SMAP2: variants seen among roughly 807,000 people sequenced by gnomAD.
SMAP2 encodes small ArfGAP2.
Under a neutral mutation model 56.4 loss-of-function variants are expected in SMAP2, and 25 were observed. That is an observed-to-expected ratio of 0.44 (90% CI 0.32 to 0.62). The LOEUF (loss-of-function observed/expected upper bound fraction) is 0.62, where lower values mean the gene tolerates loss of function less well. Ranked by LOEUF, SMAP2 falls within the 20% of genes least tolerant of loss-of-function variation. The pLI, the probability that SMAP2 is intolerant of heterozygous loss-of-function variation, is 0.04. For synonymous variants in SMAP2, 157 were observed against 181.7 expected, an observed-to-expected ratio of 0.86 and a Z score of 1.09; for missense variants, 388 against 545.6, an observed-to-expected ratio of 0.71 and a Z score of 2.88.
intron 9 of SMAP2, among the ~76,000 whole-genome samples, chr1:40,417,434 A>C (rs1569927713): frequency 6.6e-6 from 1 of 152,200 alleles, no homozygotes; most frequent in African/African-American, 2.4e-5. Context: ...AGAATACTGC[A>C]AGGTTCAAAT....
chr1:40,416,922 T>G lies in SMAP2; in HGVS notation c.990T>G (p.Val330=), dbSNP rs750985793. The G allele has an allele frequency of 1.2e-6, 2 of 1,614,208 alleles. No individual in the cohort carries two copies. The highest frequency in any genetic ancestry group is 1.7e-6 in the Non-Finnish European group (2 of 1,180,024). The change falls in exon 9 of 10, where the codon GTT becomes GTG. Residue 330 remains valine, a synonymous_variant. Coordinates refer to ENST00000372718, the MANE Select transcript of SMAP2 (RefSeq NM_022733.3). ...CTCAGCCAGGAGCTTCTGGGATGGT[T>G]GCCCCCATGGCCATGCCTGCAGGCT... ...MVAQPGASGM[V]APMAMPAGYM... is the part of the protein sequence containing the mutation.
intron 1 of SMAP2, among the ~76,000 whole-genome samples, chr1:40,382,712 T>C (rs1401408092): frequency 6.6e-6 from 1 of 152,216 alleles, no homozygotes; most frequent in Non-Finnish European, 1.5e-5. Flanking sequence ...CAGTCCTATA[T>C]TGGCTAATTT....
In SMAP2 at chr1:40,397,680, CA is replaced by C. The variant is rs1249289493; in HGVS notation, c.104-9055del. 3.7e-3 allele frequency among the ~76,000 whole-genome samples: 564 copies of C among 152,240 alleles called. 1 individual carries two copies. The highest frequency in any genetic ancestry group is 0.013 in the African/African-American group (547 of 41,520). ...GTGATAAATGATGAAGGAACATGGTCATTGCCTTCCAGAGCTCATAGTCTAT... is the reference window on the plus strand; with the variant it reads ...GTGATAAATGATGAAGGAACATGGTCTTGCCTTCCAGAGCTCATAGTCTAT... On this transcript the variant is annotated intron_variant, in intron 1 of 9. Transcript: ENST00000372718.
At chr1:40,382,215 A>G (rs1279800259) in intron 1 of SMAP2, among the ~76,000 whole-genome samples, 1 of 152,084 alleles carries the variant, frequency 6.6e-6, no homozygotes, top group Non-Finnish European at 1.5e-5. Context: ...CACATGAGTC[A>G]TTGTCTGTTT....
rs1228330064 is a variant in SMAP2 at position 40,408,048 on chromosome 1, G to A, written c.238-605G>A. On this transcript the variant is annotated intron_variant, in intron 2 of 9. Coordinates refer to ENST00000372718, the MANE Select transcript of SMAP2 (RefSeq NM_022733.3). The surrounding 1 kb of genome is among the most constrained non-coding windows in gnomAD (Gnocchi z 4.3). ...GTTGGTAATGGAAATCAGAGGTTACGCTTAACCAGAAAATGGCTTTAGAAA... is the reference window on the plus strand; with the variant it reads ...GTTGGTAATGGAAATCAGAGGTTACACTTAACCAGAAAATGGCTTTAGAAA... 1.3e-5 allele frequency among the ~76,000 whole-genome samples: 2 copies of A among 152,030 alleles called. No individual in the cohort carries two copies. The highest frequency in any genetic ancestry group is 4.8e-5 in the African/African-American group (2 of 41,374).
chr1:40,390,531 C>T (rs866963572), intron 1 of SMAP2, among the ~76,000 whole-genome samples: 1 of 152,128 alleles, frequency 6.6e-6, no homozygotes, highest in South Asian at 2.1e-4. Flanking sequence ...CACTGTTTTT[C>T]CCTTCTGGGC....
intron 1 of SMAP2, among the ~76,000 whole-genome samples, chr1:40,360,659 G>A (rs1321675641): frequency 6.6e-6 from 1 of 152,220 alleles, no homozygotes; most frequent in Non-Finnish European, 1.5e-5. Context: ...AGCAACAGCT[G>A]TGTGGCCCAG....
chr1:40,348,285 C>T (rs1456532633), intron 1 of SMAP2, among the ~76,000 whole-genome samples: 1 of 152,126 alleles, frequency 6.6e-6, no homozygotes, highest in African/African-American at 2.4e-5. Context: ...CTGAATTGTT[C>T]TCCAGAATTG....
intron 1 of SMAP2, among the ~76,000 whole-genome samples, chr1:40,361,220 C>T (rs1167198691): frequency 6.6e-6 from 1 of 152,146 alleles, no homozygotes. Flanking sequence ...TTTTGGATGA[C>T]ATTTCTAGAC....
At chr1:40,375,882 C>A (rs1192283888) in intron 1 of SMAP2, 1 of 520,300 alleles carries the variant, frequency 1.9e-6, no homozygotes, top group Non-Finnish European at 2.5e-6. Context: ...CAATAAAATA[C>A]AGCACATGGA....
chr1:40,399,788 A>G (rs777724621), intron 1 of SMAP2, among the ~76,000 whole-genome samples: 27 of 152,050 alleles, frequency 1.8e-4, no homozygotes, highest in Non-Finnish European at 3.4e-4. Flanking sequence ...AAAAGTCCTT[A>G]TCTTTTAGAG....
intron 1 of SMAP2, among the ~76,000 whole-genome samples, chr1:40,381,087 TCTC>T (rs1644593619): frequency 6.6e-6 from 1 of 152,164 alleles, no homozygotes; most frequent in Admixed American, 6.5e-5. Flanking sequence ...TCCTATTTGT[TCTC>T]CTTGCCCTTT....
At chr1:40,384,042 G>A (rs1290312779) in intron 1 of SMAP2, among the ~76,000 whole-genome samples, 1 of 152,094 alleles carries the variant, frequency 6.6e-6, no homozygotes, top group East Asian at 1.9e-4. Flanking sequence ...GATTATAGGT[G>A]TGTACCTCCA....
intron 2 of SMAP2, 119 bp downstream of exon 2, chr1:40,406,988 C>A: frequency 9.5e-7 from 1 of 1,048,236 alleles, no homozygotes; most frequent in Non-Finnish European, 1.4e-6. Context: ...TTGTTAAACA[C>A]TTAACATCAG....
At chr1:40,404,814 T>G (rs1283978296) in intron 1 of SMAP2, among the ~76,000 whole-genome samples, 1 of 152,150 alleles carries the variant, frequency 6.6e-6, no homozygotes, top group East Asian at 1.9e-4. Context: ...CCCATTTACA[T>G]CAGTTTAGGG....
chr1:40,411,569 C>T (rs1438540808), intron 4 of SMAP2, among the ~76,000 whole-genome samples: 1 of 152,104 alleles, frequency 6.6e-6, no homozygotes, highest in Non-Finnish European at 1.5e-5. Context: ...GAAATAACCT[C>T]CCATTTACCA....
chr1:40,409,702 A>G (rs929212407), intron 3 of SMAP2, 55 bp from the exon 4 acceptor site: 47 of 1,218,276 alleles, frequency 3.9e-5, no homozygotes, highest in East Asian at 1.6e-4. Context: ...TTGATCTTTT[A>G]TCTTCTTGCT....
chr1:40,414,129 A>G, intron 5 of SMAP2, 30 bp from the exon 6 acceptor site: 3 of 1,607,416 alleles, frequency 1.9e-6, no homozygotes, highest in Non-Finnish European at 2.6e-6. Context: ...CCACCTGCTT[A>G]TTTCTTGCTA....
chr1:40,348,764 T>C (rs1032046307), intron 1 of SMAP2, among the ~76,000 whole-genome samples: 2 of 151,732 alleles, frequency 1.3e-5, no homozygotes, highest in Admixed American at 6.6e-5. Flanking sequence ...AATAAAATAC[T>C]ATTTCTTTCT....
Sources: allele counts gnomAD v4.1 joint callset (sites outside exome capture counted in the v4.1 genomes callset), GRCh38; gene constraint gnomAD v4.1.1; non-coding constraint Gnocchi (gnomAD v3.1); transcripts MANE v1.5; gene names NCBI Gene and HGNC (gene_info 2026-07-23, HGNC 2026-07-21).